GNB4: variants seen among roughly 807,000 people sequenced by gnomAD.
The protein encoded by GNB4 is guanine nucleotide-binding protein subunit beta-4.
GNB4 carries 28 observed loss-of-function variants against 45.2 expected under a neutral mutation model. The ratio of observed to expected loss-of-function variants is 0.62; its 90% CI spans 0.46 to 0.85. GNB4 has a LOEUF of 0.85. GNB4 is among the 40% of genes least tolerant of loss of function. The pLI is 0.00. For missense variants in GNB4, 321 were observed against 425.4 expected, an observed-to-expected ratio of 0.75 and a Z score of 2.16; for synonymous variants, 132 against 143.7, an observed-to-expected ratio of 0.92 and a Z score of 0.58.
the GNB4 span, among the ~76,000 whole-genome samples, chr3:179,516,758 T>C: frequency 6.6e-6 from 1 of 152,102 alleles, no homozygotes; most frequent in African/African-American, 2.4e-5. Context: ...TGGGAAGAGA[T>C]TGATAGGTGG....
In GNB4 at chr3:179,405,360, G is replaced by A; in HGVS notation, c.746C>T (p.Thr249Ile). 6.2e-7 allele frequency: 1 copy of A among 1,614,022 alleles called. No homozygotes were observed. Among genetic ancestry groups the A allele is most frequent in the Non-Finnish European group, 8.5e-7 (1 of 1,179,888 alleles). Residue 249 changes from threonine (T) to isoleucine (I), a missense_variant, in exon 9 of 10, where the codon ACT becomes ATT. Coordinates refer to ENST00000232564, the MANE Select transcript of GNB4 (RefSeq NM_021629.4). ...TGCACGAAGGTCAAAGAGCCGGCAAGTGGCATCATCAGAGCCAGTGGCGAA... is the reference window on the plus strand; with the variant it reads ...TGCACGAAGGTCAAAGAGCCGGCAAATGGCATCATCAGAGCCAGTGGCGAA... ...YAFATGSDDA[T>I]CRLFDLRADQ...
At chr3:179,489,046 A>ATAT in the GNB4 span, among the ~76,000 whole-genome samples, 51 of 38,732 alleles carry the variant, frequency 1.3e-3, no homozygotes, top group African/African-American at 4.1e-3. Flanking sequence ...ATATATATAT[A>ATAT]ATATATATGT....
chr3:179,418,831 G>T (rs982078622), intron 4 of GNB4, among the ~76,000 whole-genome samples: 1 of 152,234 alleles, frequency 6.6e-6, no homozygotes, highest in Admixed American at 6.5e-5. Context: ...TACACATAGT[G>T]AATGACAGTG....
upstream of GNB4, among the ~76,000 whole-genome samples, chr3:179,455,459 A>T (rs1196098289): frequency 6.6e-6 from 1 of 152,174 alleles, no homozygotes; most frequent in Non-Finnish European, 1.5e-5. Flanking sequence ...AATTATATAA[A>T]ATGAAGGTGC....
At chr3:179,464,145 T>C in the GNB4 span, among the ~76,000 whole-genome samples, 1 of 152,104 alleles carries the variant, frequency 6.6e-6, no homozygotes. Context: ...GGACCCCTCC[T>C]CTGGGCCAAG....
intron 1 of GNB4, among the ~76,000 whole-genome samples, chr3:179,442,579 C>T (rs541957134): frequency 6.6e-6 from 1 of 151,760 alleles, no homozygotes; most frequent in Non-Finnish European, 1.5e-5. Flanking sequence ...TTTTTTTATA[C>T]GACCACATGT....
chr3:179,418,299 CT>C (rs976503628), intron 4 of GNB4, among the ~76,000 whole-genome samples: 16 of 151,294 alleles, frequency 1.1e-4, no homozygotes, highest in Admixed American at 1.1e-3. Context: ...GTGAAACCCC[CT>C]CTCTACTAAA....
chr3:179,496,518 G>A, the GNB4 span, among the ~76,000 whole-genome samples: 3 of 152,188 alleles, frequency 2.0e-5, no homozygotes, highest in East Asian at 5.8e-4. Flanking sequence ...AATGTAAATG[G>A]ATTAAATTAT....
the GNB4 span, among the ~76,000 whole-genome samples, chr3:179,460,707 T>G: frequency 1.3e-5 from 2 of 152,146 alleles, no homozygotes; most frequent in Non-Finnish European, 2.9e-5. Flanking sequence ...TCTCACTATG[T>G]TGCTCACACT....
chr3:179,417,666 C>T (rs371558728), intron 4 of GNB4, among the ~76,000 whole-genome samples: 4 of 152,166 alleles, frequency 2.6e-5, no homozygotes, highest in African/African-American at 9.7e-5. Flanking sequence ...GGATTACAGG[C>T]ATGAGCCACC....
intron 1 of GNB4, among the ~76,000 whole-genome samples, chr3:179,434,610 A>G (rs555183559): frequency 2.6e-5 from 4 of 151,818 alleles, no homozygotes; most frequent in South Asian, 2.1e-4. Flanking sequence ...AGTACCAGAC[A>G]CTCAGGAGGC....
the GNB4 span, among the ~76,000 whole-genome samples, chr3:179,502,187 A>G: frequency 7.4e-6 from 1 of 135,696 alleles, no homozygotes; most frequent in Non-Finnish European, 1.6e-5. Flanking sequence ...TTTATGCCAC[A>G]TGTTTCTCTT....
chr3:179,447,397 C>CT lies in GNB4; in HGVS notation c.-43+3948dup, dbSNP rs543765706. 4.4e-4 allele frequency among the ~76,000 whole-genome samples: 67 copies of CT among 150,678 alleles called. 1 individual carries two copies. In the South Asian group the frequency reaches 0.014, roughly 31 times the overall value. On this transcript the variant is annotated intron_variant, in intron 1 of 9. Transcript: ENST00000232564. ...ATTTTTTTTCAGATGGGGTCTCACT[C>CT]TATTGCCCAGGCACAAACATGGCTC...
the GNB4 span, among the ~76,000 whole-genome samples, chr3:179,505,396 T>G: frequency 6.6e-6 from 1 of 152,200 alleles, no homozygotes; most frequent in Non-Finnish European, 1.5e-5. Flanking sequence ...AGAAAAACTT[T>G]TAGATCTGCA....
chr3:179,475,455 T>C, the GNB4 span, among the ~76,000 whole-genome samples: 10 of 151,404 alleles, frequency 6.6e-5, no homozygotes, highest in East Asian at 3.9e-4. Context: ...TATTTTATTT[T>C]ATTTCATTTA....
chr3:179,410,530 A>T (rs1210011759), intron 8 of GNB4: 1 of 152,170 alleles, frequency 6.6e-6, no homozygotes. Flanking sequence ...TGTCCTGTAG[A>T]TGACTGTCTT....
the GNB4 span, among the ~76,000 whole-genome samples, chr3:179,513,470 C>T: frequency 1.3e-5 from 2 of 152,148 alleles, no homozygotes; most frequent in Non-Finnish European, 2.9e-5. Flanking sequence ...AGGCATGAGC[C>T]ACTGCATCTG....
intron 1 of GNB4, chr3:179,437,705 G>C (rs1715493953): frequency 6.6e-6 from 1 of 152,160 alleles, no homozygotes; most frequent in Non-Finnish European, 1.5e-5. Flanking sequence ...TAGTTTTCAA[G>C]AGTATTTGGT....
At chr3:179,482,205 TA>T in the GNB4 span, among the ~76,000 whole-genome samples, 1 of 152,194 alleles carries the variant, frequency 6.6e-6, no homozygotes, top group Non-Finnish European at 1.5e-5. Context: ...CTGCTTCTTT[TA>T]AAAATCAAGT....
Sources: allele counts gnomAD v4.1 joint callset (sites outside exome capture counted in the v4.1 genomes callset), GRCh38; gene constraint gnomAD v4.1.1; transcripts MANE v1.5; gene names NCBI Gene and HGNC (gene_info 2026-07-23, HGNC 2026-07-21).